Variants in ADAMTSL3 observed in about 807,000 individuals in gnomAD.
ADAMTSL3 encodes the protein ADAMTS like 3, also known as ADAMTS-like protein 3.
Under a neutral mutation model 201.7 loss-of-function variants are expected in ADAMTSL3, and 128 were observed. The observed-to-expected ratio is 0.63, with a 90% CI of 0.55 to 0.73. ADAMTSL3 has a LOEUF of 0.73. Among genes scored for constraint, ADAMTSL3 ranks in the 30% least tolerant of loss-of-function variants. ADAMTSL3 has a pLI of 0.00. For missense variants in ADAMTSL3, 1,990 were observed against 2,119.6 expected (o/e 0.94, Z 1.20); for synonymous variants, 738 against 748.4 (o/e 0.99, Z 0.23).
At chr15:83,871,027 A>G in intron 9 of ADAMTSL3, 68 bp downstream of exon 9, 1 of 1,553,970 alleles carries the variant, frequency 6.4e-7, no homozygotes, top group Non-Finnish European at 8.7e-7. Context: ...TAAAACAATG[A>G]GTTTGTTTAG....
At chr15:84,033,067 T>C (rs1382847856) in intron 28 of ADAMTSL3, among the ~76,000 whole-genome samples, 1 of 152,208 alleles carries the variant, frequency 6.6e-6, no homozygotes, top group Non-Finnish European at 1.5e-5. Flanking sequence ...TATGATTTTT[T>C]ATTCCTTATA....
chr15:83,937,475 A>G (rs1289802024), intron 17 of ADAMTSL3, among the ~76,000 whole-genome samples: 1 of 148,706 alleles, frequency 6.7e-6, no homozygotes. Flanking sequence ...ACATCAACAC[A>G]AAGAAGGGAA....
chr15:84,030,559 ACTTTT>A (rs1230712508), intron 27 of ADAMTSL3, among the ~76,000 whole-genome samples: 4 of 152,156 alleles, frequency 2.6e-5, no homozygotes, highest in Admixed American at 2.6e-4. Flanking sequence ...TAACTAACTT[ACTTTT>A]CATGTTACAG....
At chr15:83,738,359 T>TA (rs1400755211) in intron 3 of ADAMTSL3, among the ~76,000 whole-genome samples, 1 of 152,192 alleles carries the variant, frequency 6.6e-6, no homozygotes, top group Non-Finnish European at 1.5e-5. Context: ...AGAGATATTT[T>TA]ATGTGTATAT....
At chr15:83,662,850 C>T (rs534937170) in intron 2 of ADAMTSL3, among the ~76,000 whole-genome samples, 1 of 152,290 alleles carries the variant, frequency 6.6e-6, no homozygotes, top group Admixed American at 6.5e-5. Flanking sequence ...TAAGGGCTAT[C>T]AGCTCTTTAC....
chr15:83,782,406 G>A (rs765755985), intron 4 of ADAMTSL3, among the ~76,000 whole-genome samples: 8 of 152,164 alleles, frequency 5.3e-5, no homozygotes, highest in Non-Finnish European at 1.0e-4. Context: ...GAACATGGGA[G>A]GTGGATGTTG....
intron 5 of ADAMTSL3, among the ~76,000 whole-genome samples, chr15:83,805,405 A>G (rs2063586111): frequency 1.3e-5 from 2 of 151,978 alleles, no homozygotes; most frequent in African/African-American, 2.4e-5. Flanking sequence ...TAAAAATACA[A>G]ACTTAGCTGG....
chr15:83,828,954 C>T lies in ADAMTSL3; in HGVS notation c.600+8907C>T, dbSNP rs563734536. Among the ~76,000 whole-genome samples, 966 of 152,204 alleles carry T rather than the reference C, an allele frequency of 6.3e-3. 2 individuals are homozygous for T. Among genetic ancestry groups the T allele is most frequent in the Middle Eastern group, 0.02 (6 of 294 alleles). On this transcript the variant is annotated intron_variant, in intron 6 of 29. Coordinates refer to ENST00000286744, the MANE Select transcript of ADAMTSL3 (RefSeq NM_207517.3). ...AGAATTTTATTGAGGATTTCTGCATCGATGTTCATCAGGGATATTGGTCTA... is the reference window on the plus strand; with the variant it reads ...AGAATTTTATTGAGGATTTCTGCATTGATGTTCATCAGGGATATTGGTCTA...
intron 20 of ADAMTSL3, among the ~76,000 whole-genome samples, chr15:83,973,576 AT>A (rs1235577934): frequency 6.6e-6 from 1 of 152,222 alleles, no homozygotes; most frequent in East Asian, 1.9e-4. Context: ...TAGAGGGGCA[AT>A]AATGGCTTTG....
At chr15:83,892,986 A>T (rs1041049621) in intron 13 of ADAMTSL3, 98 bp downstream of exon 13, 2 of 1,181,930 alleles carry the variant, frequency 1.7e-6, no homozygotes, top group Admixed American at 2.3e-5. Flanking sequence ...GAGACAAAAA[A>T]AAAGTGGTAA....
At chr15:83,901,773 T>C (rs1157569707) in intron 15 of ADAMTSL3, among the ~76,000 whole-genome samples, 1 of 152,270 alleles carries the variant, frequency 6.6e-6, no homozygotes, top group Non-Finnish European at 1.5e-5. Context: ...CCTTCTCACA[T>C]CTCTGATCAC....
intron 7 of ADAMTSL3, among the ~76,000 whole-genome samples, chr15:83,854,553 A>G (rs73439462): frequency 0.028 from 4,199 of 152,294 alleles, 182 homozygotes; most frequent in African/African-American, 0.094. Context: ...GTATAGATCC[A>G]TGTTTCCCTG....
At position 84,010,268 on chromosome 15, in the gene ADAMTSL3, G is replaced by A. The variant is rs148850749; in HGVS notation, c.3974-4274G>A. ...GCACTTTTGCCCTCAAATATGTAAG[G>A]AGATTTTTTTCTCTTCCTAGCTAGT... is the stretch of plus-strand genomic sequence containing the variant. On this transcript the variant is annotated intron_variant, in intron 23 of 29. Coordinates refer to ENST00000286744, the MANE Select transcript of ADAMTSL3 (RefSeq NM_207517.3). Among the ~76,000 whole-genome samples the A allele has an allele frequency of 4.7e-3, 712 of 152,282 alleles. 1 individual carries two copies. The highest frequency in any genetic ancestry group is 0.014 in the Middle Eastern group (4 of 294).
chr15:83,874,277 G>A (rs2065137128), intron 9 of ADAMTSL3, among the ~76,000 whole-genome samples: 1 of 145,174 alleles, frequency 6.9e-6, no homozygotes, highest in African/African-American at 2.6e-5. Flanking sequence ...CCCATCCCAC[G>A]CAGAGCTCCC....
chr15:83,839,605 C>A (rs868863266), intron 7 of ADAMTSL3, among the ~76,000 whole-genome samples: 1 of 152,110 alleles, frequency 6.6e-6, no homozygotes, highest in African/African-American at 2.4e-5. Context: ...AAGTGTCTTT[C>A]AAGCTATTCA....
intron 11 of ADAMTSL3, chr15:83,890,833 A>G (rs1433977640): frequency 6.5e-6 from 1 of 154,650 alleles, no homozygotes; most frequent in Non-Finnish European, 1.4e-5. Context: ...TGGCTTAGGA[A>G]GAAGTGTGCA....
chr15:84,033,488 T>C (rs941505648), intron 28 of ADAMTSL3, among the ~76,000 whole-genome samples: 2 of 152,066 alleles, frequency 1.3e-5, no homozygotes, highest in Non-Finnish European at 2.9e-5. Flanking sequence ...AGTGAAACCC[T>C]GTCTCTACTA....
intron 10 of ADAMTSL3, among the ~76,000 whole-genome samples, chr15:83,885,849 T>A (rs1371283359): frequency 1.3e-5 from 2 of 152,068 alleles, no homozygotes; most frequent in Admixed American, 6.5e-5. Context: ...CTCAGCCTCC[T>A]GAGTAGCTGG....
intron 2 of ADAMTSL3, among the ~76,000 whole-genome samples, chr15:83,671,272 A>G (rs1310874011): frequency 2.0e-5 from 3 of 152,324 alleles, no homozygotes; most frequent in South Asian, 4.1e-4. Context: ...GAACTTGCCA[A>G]TAAAATAAAG....
Sources: gnomAD v4.1 joint callset for allele counts (sites outside exome capture counted in the v4.1 genomes callset) on GRCh38, gnomAD v4.1.1 for gene constraint, MANE v1.5 for transcripts, NCBI Gene and HGNC (gene_info 2026-07-23, HGNC 2026-07-21) for gene names.